Variants in CDH18 observed in about 807,000 individuals in gnomAD.
CDH18 encodes cadherin 18.
Under a neutral mutation model 67.9 loss-of-function variants are expected in CDH18, and 31 were observed. The observed-to-expected ratio is 0.46, with a 90% confidence interval of 0.34 to 0.62. The LOEUF is 0.62. Among genes scored for constraint, CDH18 ranks in the 20% least tolerant of loss-of-function variants. The pLI is 0.01. For synonymous variants in CDH18, 362 were observed against 347.2 expected (o/e 1.04, Z -0.48); for missense variants, 890 against 975.5 (o/e 0.91, Z 1.17).
chr5:20,285,438 T>TC, intron 1 of CDH18, among the ~76,000 whole-genome samples: 1 of 147,688 alleles, frequency 6.8e-6, no homozygotes, highest in South Asian at 2.1e-4. Flanking sequence ...CATAATATAA[T>TC]ATAATAATAA....
At chr5:20,556,776 T>A (rs1370021498) in intron 1 of CDH18, among the ~76,000 whole-genome samples, 3 of 152,160 alleles carry the variant, frequency 2.0e-5, no homozygotes, top group Non-Finnish European at 4.4e-5. Context: ...GAAGAATTAA[T>A]CTAAGAATGA....
At chr5:20,012,803 A>G (rs1737567881) in intron 2 of CDH18, among the ~76,000 whole-genome samples, 3 of 152,090 alleles carry the variant, frequency 2.0e-5, no homozygotes, top group Admixed American at 6.6e-5. Flanking sequence ...TAACATAGGA[A>G]CAGAAAACCA....
chr5:20,061,853 A>G (rs1198300217), intron 2 of CDH18, among the ~76,000 whole-genome samples: 10 of 152,140 alleles, frequency 6.6e-5, no homozygotes, highest in Non-Finnish European at 5.9e-5. Flanking sequence ...TTAGTTTAAT[A>G]TGAACTCCAG....
At chr5:20,568,919 G>A (rs1348588099) in intron 1 of CDH18, among the ~76,000 whole-genome samples, 5 of 151,992 alleles carry the variant, frequency 3.3e-5, no homozygotes, top group Non-Finnish European at 4.4e-5. Context: ...TCTCTAACTC[G>A]GATTTTCTTC....
intron 2 of CDH18, among the ~76,000 whole-genome samples, chr5:20,128,962 T>C (rs941304375): frequency 3.3e-5 from 5 of 151,994 alleles, no homozygotes; most frequent in Admixed American, 1.3e-4. Flanking sequence ...AGCAGTTAGG[T>C]TTGAAAACAA....
chr5:20,297,472 T>C (rs905947594), intron 1 of CDH18, among the ~76,000 whole-genome samples: 1 of 152,234 alleles, frequency 6.6e-6, no homozygotes, highest in Non-Finnish European at 1.5e-5. Context: ...TGGCTTTGGC[T>C]TTAATTTTCA....
chr5:19,642,532 G>A (rs61689065), intron 5 of CDH18, among the ~76,000 whole-genome samples: 2,275 of 151,940 alleles, frequency 0.015, 55 homozygotes, highest in African/African-American at 0.052. Context: ...AGTGATCTAC[G>A]GCTATCTGAT....
chr5:20,368,225 G>T (rs768758196), intron 1 of CDH18, among the ~76,000 whole-genome samples: 1 of 152,162 alleles, frequency 6.6e-6, no homozygotes, highest in Non-Finnish European at 1.5e-5. Context: ...AAATAATTTT[G>T]TGTCCTCAGG....
intron 5 of CDH18, among the ~76,000 whole-genome samples, chr5:19,672,598 T>C (rs187130655): frequency 2.6e-5 from 4 of 152,172 alleles, no homozygotes; most frequent in African/African-American, 9.6e-5. Context: ...AACAACTTAG[T>C]AAAATTTTCT....
In CDH18 at chr5:20,399,800, G is replaced by C. The variant is rs547635424; in HGVS notation, c.-579-144295C>G. Among the ~76,000 whole-genome samples, 427 of 152,240 alleles carry C rather than the reference G, an allele frequency of 2.8e-3. 5 individuals carry two copies. Among genetic ancestry groups the C allele is most frequent in the Non-Finnish European group, 3.2e-3 (217 of 68,028 alleles). On this transcript the variant is annotated intron_variant, in intron 1 of 14. Transcript: ENST00000507958. ...TTGAATCCTTTCAAATAGCTCATCA[G>C]AGTGAAATTATTATCTTCTTTGAGA... is the stretch of plus-strand genomic sequence containing the variant.
At chr5:19,722,115 G>A (rs1766177191) in intron 4 of CDH18, among the ~76,000 whole-genome samples, 1 of 152,044 alleles carries the variant, frequency 6.6e-6, no homozygotes, top group Non-Finnish European at 1.5e-5. Flanking sequence ...GTGCAGTGGT[G>A]CGATCTTGGC....
intron 1 of CDH18, among the ~76,000 whole-genome samples, chr5:20,527,712 A>G: frequency 6.6e-6 from 1 of 152,096 alleles, no homozygotes; most frequent in Admixed American, 6.6e-5. Context: ...GCAAAACCTG[A>G]GGGATTTTGT....
At chr5:20,523,801 A>G (rs2126529869) in intron 1 of CDH18, among the ~76,000 whole-genome samples, 1 of 152,260 alleles carries the variant, frequency 6.6e-6, no homozygotes, top group African/African-American at 2.4e-5. Flanking sequence ...TGGCCTCCCA[A>G]AGTGCTAGGA....
intron 1 of CDH18, among the ~76,000 whole-genome samples, chr5:20,419,255 G>C (rs1231868608): frequency 6.6e-6 from 1 of 151,968 alleles, no homozygotes; most frequent in Non-Finnish European, 1.5e-5. Flanking sequence ...GGCTGCCCAG[G>C]CCTCTGTAAG....
intron 1 of CDH18, among the ~76,000 whole-genome samples, chr5:20,417,107 G>A (rs1747377018): frequency 6.6e-6 from 1 of 152,084 alleles, no homozygotes; most frequent in Non-Finnish European, 1.5e-5. Flanking sequence ...TTATAGTTAA[G>A]TGGCTAGCCT....
chr5:20,427,881 C>A (rs1748422346), intron 1 of CDH18, among the ~76,000 whole-genome samples: 3 of 151,150 alleles, frequency 2.0e-5, no homozygotes, highest in African/African-American at 7.4e-5. Flanking sequence ...AAAGTTGCCA[C>A]TTTTCTAATC....
intron 3 of CDH18, among the ~76,000 whole-genome samples, chr5:19,750,278 T>A (rs1162747508): frequency 6.6e-6 from 1 of 152,122 alleles, no homozygotes; most frequent in African/African-American, 2.4e-5. Context: ...CTCAGTTCTG[T>A]TTGCAATATA....
At chr5:19,806,246 C>T (rs1292487463) in intron 3 of CDH18, among the ~76,000 whole-genome samples, 1 of 152,200 alleles carries the variant, frequency 6.6e-6, no homozygotes. Flanking sequence ...TCTCCTCGTG[C>T]ACCACTGCCT....
intron 2 of CDH18, among the ~76,000 whole-genome samples, chr5:20,254,817 T>A (rs1744108245): frequency 6.6e-6 from 1 of 152,112 alleles, no homozygotes; most frequent in Non-Finnish European, 1.5e-5. Flanking sequence ...TGCACTTGTA[T>A]GTTCATTGCA....
Sources: gnomAD v4.1 joint callset for allele counts (sites outside exome capture counted in the v4.1 genomes callset) on GRCh38, gnomAD v4.1.1 for gene constraint, MANE v1.5 for transcripts, NCBI Gene and HGNC (gene_info 2026-07-23, HGNC 2026-07-21) for gene names.